TMEM266: variants seen among roughly 807,000 people sequenced by gnomAD.
TMEM266 encodes the protein transmembrane protein 266.
A neutral mutation model predicts 50.5 loss-of-function variants in TMEM266; 33 were observed. That is an observed-to-expected ratio of 0.65 (90% CI 0.50 to 0.87). The LOEUF is 0.87. Ranked by LOEUF, TMEM266 falls within the 40% of genes least tolerant of loss-of-function variation. The probability of loss-of-function intolerance (pLI) is 0.00; values close to 1 mark genes in which losing one functional copy is unlikely to be tolerated. For missense variants in TMEM266, 655 were observed against 695.1 expected (o/e 0.94, Z 0.65); for synonymous variants, 310 against 292.3 (o/e 1.06, Z -0.62).
chr15:76,146,240 C>T (rs1259891711), intron 3 of TMEM266, among the ~76,000 whole-genome samples: 1 of 152,136 alleles, frequency 6.6e-6, no homozygotes, highest in Non-Finnish European at 1.5e-5. Context: ...TTATAAATGA[C>T]ACTCTGTGCA....
chr15:76,139,680 A>G lies in TMEM266; in HGVS notation c.227+1785A>G, dbSNP rs1015695283. Among the ~76,000 whole-genome samples, 5 of 152,232 alleles carry G rather than the reference A, an allele frequency of 3.3e-5. No homozygotes were observed. Among genetic ancestry groups the G allele is most frequent in the African/African-American group, 1.2e-4 (5 of 41,466 alleles). ...GCGTCACTGCTCTCTGGTGGTCAAA[A>G]GCAGTAGTGCAGCCTTCTAACATGC... On this transcript the variant is annotated intron_variant, in intron 3 of 10. Transcript: ENST00000388942. The surrounding 1 kb of genome is among the most constrained non-coding windows in gnomAD (Gnocchi z 4.1).
At chr15:76,110,319 T>G (rs1022761547) in intron 1 of TMEM266, among the ~76,000 whole-genome samples, 7 of 152,184 alleles carry the variant, frequency 4.6e-5, no homozygotes, top group African/African-American at 1.7e-4. Flanking sequence ...CAGTTTTTCT[T>G]TAGATCAAGC....
intron 4 of TMEM266, among the ~76,000 whole-genome samples, 188 bp downstream of exon 4, chr15:76,156,946 T>C (rs8036125): frequency 0.038 from 5,734 of 152,256 alleles, 392 homozygotes; most frequent in African/African-American, 0.13. Context: ...CTTCTCTCTC[T>C]GTCACCCCCA....
rs535715964 is a variant in TMEM266, at chr15:76,089,229, C to G, written c.-97+29213C>G. 2.7e-3 allele frequency among the ~76,000 whole-genome samples: 415 copies of G among 151,142 alleles called. 2 individuals carry two copies. The highest frequency in any genetic ancestry group is 9.8e-3 in the African/African-American group (405 of 41,176). ...ATTTATTTAGAGATGGAGTCTCGCT[C>G]TGTTGCCCAGGCTGGAGTGCAGTGG... is the stretch of plus-strand genomic sequence containing the variant. On this transcript the variant is annotated intron_variant, in intron 1 of 10. Transcript: ENST00000388942.
intron 3 of TMEM266, among the ~76,000 whole-genome samples, chr15:76,154,608 A>G (rs2037896506): frequency 6.6e-6 from 1 of 152,004 alleles, no homozygotes; most frequent in African/African-American, 2.4e-5. Context: ...GACCATCCCC[A>G]GCCCCATCCA....
rs2037931149 is a variant in TMEM266, at chr15:76,156,589, C to T, written c.228-15C>T. The T allele has an allele frequency of 6.2e-7, 1 of 1,612,836 alleles. No individual in the cohort carries two copies. The highest frequency in any genetic ancestry group is 1.3e-5 in the African/African-American group (1 of 74,904). On this transcript the variant is annotated splice_polypyrimidine_tract_variant and intron_variant, in intron 3 of 10. Coordinates refer to ENST00000388942, the MANE Select transcript of TMEM266 (RefSeq NM_152335.3). Reference sequence around the variant, plus strand: ...CCACTCTGAGCCTCTCTTCTCCCCACTTTTGTCCCCACAGGTCTAACTGGC... The same window carrying T: ...CCACTCTGAGCCTCTCTTCTCCCCATTTTTGTCCCCACAGGTCTAACTGGC...
intron 6 of TMEM266, among the ~76,000 whole-genome samples, chr15:76,170,467 A>C (rs2038170257): frequency 6.6e-6 from 1 of 152,244 alleles, no homozygotes; most frequent in African/African-American, 2.4e-5. Context: ...GAACACGGCC[A>C]GGCTGGGGCA....
chr15:76,186,859 C>T (rs1414366608), intron 8 of TMEM266, among the ~76,000 whole-genome samples: 1 of 152,188 alleles, frequency 6.6e-6, no homozygotes, highest in African/African-American at 2.4e-5. Context: ...TTCTTTAAAA[C>T]ATCTTACTGT....
intron 5 of TMEM266, among the ~76,000 whole-genome samples, chr15:76,162,683 C>A (rs991744655): frequency 7.9e-5 from 12 of 152,202 alleles, no homozygotes; most frequent in Non-Finnish European, 1.5e-4. Context: ...TCTCTTGCCC[C>A]TGACTGCATC....
intron 1 of TMEM266, among the ~76,000 whole-genome samples, chr15:76,105,425 G>A (rs925434759): frequency 1.1e-4 from 16 of 152,072 alleles, no homozygotes; most frequent in Non-Finnish European, 1.8e-4. Flanking sequence ...AATGCTAATC[G>A]TGTCACTTTG....
intron 1 of TMEM266, among the ~76,000 whole-genome samples, chr15:76,127,669 T>A (rs966113105): frequency 2.6e-5 from 4 of 152,164 alleles, no homozygotes; most frequent in Non-Finnish European, 5.9e-5. Flanking sequence ...TACTGTTGTT[T>A]GCAAACAAAA....
chr15:76,191,966 A>G lies in TMEM266; in HGVS notation c.769-2A>G. 6.3e-7 allele frequency: 1 copy of G among 1,580,742 alleles called. No homozygotes were observed. Among genetic ancestry groups the G allele is most frequent in the Non-Finnish European group, 8.6e-7 (1 of 1,168,794 alleles). On this transcript the variant is annotated splice_acceptor_variant, in intron 8 of 10. Transcript: ENST00000388942. LOFTEE classifies it high-confidence loss of function. ...TTCAGCCTTGCCCGTCTCCCTCCGCAGTTTGAGATCCGGCAGCTGCGCGCG... is the reference window on the plus strand; with the variant it reads ...TTCAGCCTTGCCCGTCTCCCTCCGCGGTTTGAGATCCGGCAGCTGCGCGCG...
At chr15:76,190,805 G>A (rs1311596128) in intron 8 of TMEM266, among the ~76,000 whole-genome samples, 2 of 152,186 alleles carry the variant, frequency 1.3e-5, no homozygotes, top group Non-Finnish European at 2.9e-5. Context: ...GGTCAGGGCT[G>A]GCGAGGTGCA....
chr15:76,193,323 TG>T (rs1431107100), intron 9 of TMEM266, among the ~76,000 whole-genome samples: 1 of 152,182 alleles, frequency 6.6e-6, no homozygotes, highest in Admixed American at 6.5e-5. Context: ...TGGGCTCAAG[TG>T]ATCCTCCCAC....
chr15:76,144,319 C>A (rs1000785621), intron 3 of TMEM266, among the ~76,000 whole-genome samples: 1 of 152,086 alleles, frequency 6.6e-6, no homozygotes, highest in South Asian at 2.1e-4. Context: ...CAAAGCTACA[C>A]GAAGCCTGCT....
rs34645136 is a variant in TMEM266 at position 76,082,518 on chromosome 15, A to G, written c.-97+22502A>G. Among the ~76,000 whole-genome samples the G allele has an allele frequency of 6.7e-3, 1,017 of 152,336 alleles. 8 individuals carry two copies. Among genetic ancestry groups the G allele is most frequent in the Non-Finnish European group, 0.011 (745 of 68,028 alleles). ...CAGGCCCCGTATGTTATTGGAGCAC[A>G]GAATTGCAGCAATTAACTTGGGTTG... On this transcript the variant is annotated intron_variant, in intron 1 of 10. Coordinates refer to ENST00000388942, the MANE Select transcript of TMEM266 (RefSeq NM_152335.3).
intron 8 of TMEM266, among the ~76,000 whole-genome samples, chr15:76,179,642 C>T (rs866497596): frequency 5.9e-5 from 9 of 152,198 alleles, no homozygotes; most frequent in Non-Finnish European, 2.9e-5. Context: ...CCCCCAACCC[C>T]GTTCCAGGAC....
chr15:76,180,606 G>A (rs2456055), intron 8 of TMEM266, among the ~76,000 whole-genome samples: 1 of 119,520 alleles, frequency 8.4e-6, no homozygotes. Flanking sequence ...TTCATCTTAA[G>A]CTTTTTTTTT....
At chr15:76,102,989 G>A (rs1395191540) in intron 1 of TMEM266, among the ~76,000 whole-genome samples, 1 of 152,098 alleles carries the variant, frequency 6.6e-6, no homozygotes, top group African/African-American at 2.4e-5. Context: ...AGGAAGCCAT[G>A]GGAGGTGGTA....
Sources: allele counts gnomAD v4.1 joint callset (sites outside exome capture counted in the v4.1 genomes callset), GRCh38; gene constraint gnomAD v4.1.1; non-coding constraint Gnocchi (gnomAD v3.1); transcripts MANE v1.5; gene names NCBI Gene and HGNC (gene_info 2026-07-23, HGNC 2026-07-21).